The following CSTF3 variants were observed in gnomAD, a reference collection of about 807,000 sequenced individuals.
CSTF3 encodes cleavage stimulation factor subunit 3, also known as CF-1 77 kDa subunit.
In CSTF3, 29 loss-of-function variants were observed where a neutral mutation model predicts 105.8. That is an observed-to-expected ratio of 0.27 (90% CI 0.20 to 0.37). The LOEUF is 0.37. Ranked by LOEUF, CSTF3 falls within the 10% of genes least tolerant of loss-of-function variation. The probability of loss-of-function intolerance (pLI) is 1.00; values close to 1 mark genes in which losing one functional copy is unlikely to be tolerated. For synonymous variants in CSTF3, 252 were observed against 281.9 expected (o/e 0.89, Z 1.06); for missense variants, 357 against 879.3 (o/e 0.41, Z 7.51).
intron 15 of CSTF3, among the ~76,000 whole-genome samples, chr11:33,092,749 C>T (rs1855182292): frequency 6.6e-6 from 1 of 152,182 alleles, no homozygotes; most frequent in Non-Finnish European, 1.5e-5. Context: ...GGATGGCAAA[C>T]TCAAACTTAG....
chr11:33,124,721 C>G (rs1855526438), intron 3 of CSTF3, among the ~76,000 whole-genome samples: 1 of 152,062 alleles, frequency 6.6e-6, no homozygotes, highest in South Asian at 2.1e-4. Context: ...TTAAGTTATA[C>G]CTACAATTGG....
chr11:33,141,584 T>C (rs746396241), intron 3 of CSTF3, 83 bp downstream of exon 3: 39 of 1,478,408 alleles, frequency 2.6e-5, no homozygotes, highest in African/African-American at 4.3e-5. Context: ...CTTGTCCTAA[T>C]TGGCTATGTT....
At chr11:33,133,718 A>G (rs11032154) in intron 3 of CSTF3, among the ~76,000 whole-genome samples, 31,064 of 152,074 alleles carry the variant, frequency 0.2, 3,876 homozygotes, top group East Asian at 0.35. Flanking sequence ...GGTGGAGCAC[A>G]CTTGTCCCAG....
chr11:33,093,308 C>T (rs978007539), intron 15 of CSTF3, among the ~76,000 whole-genome samples: 20 of 152,224 alleles, frequency 1.3e-4, no homozygotes, highest in South Asian at 4.1e-4. Flanking sequence ...TCTGTTTTAT[C>T]CCAAGCTTTG....
chr11:33,154,040 A>G (rs977744099), intron 1 of CSTF3, among the ~76,000 whole-genome samples: 5 of 152,128 alleles, frequency 3.3e-5, no homozygotes, highest in Admixed American at 1.3e-4. Flanking sequence ...CCATCCTCAA[A>G]TATCTGCCAT....
chr11:33,123,624 G>A (rs1855514764), intron 3 of CSTF3, among the ~76,000 whole-genome samples: 1 of 151,916 alleles, frequency 6.6e-6, no homozygotes, highest in Non-Finnish European at 1.5e-5. Flanking sequence ...TTCAGTAGGA[G>A]ACAAGTTAAA....
chr11:33,160,013 T>A (rs1038236136), intron 1 of CSTF3, among the ~76,000 whole-genome samples: 7 of 152,104 alleles, frequency 4.6e-5, no homozygotes, highest in Non-Finnish European at 8.8e-5. Flanking sequence ...CGTGTCTTTG[T>A]AATTTTAGAT....
intron 3 of CSTF3, chr11:33,134,612 A>AT (rs2133794653): frequency 6.6e-6 from 1 of 152,314 alleles, no homozygotes; most frequent in African/African-American, 2.4e-5. Flanking sequence ...GTAATTCTAA[A>AT]TATCATTAGT....
At chr11:33,104,741 G>A (rs866708747) in intron 8 of CSTF3, among the ~76,000 whole-genome samples, 11 of 152,090 alleles carry the variant, frequency 7.2e-5, no homozygotes, top group Middle Eastern at 3.4e-3. Context: ...TTCCAGCCTC[G>A]GTGACAGAGT....
intron 3 of CSTF3, among the ~76,000 whole-genome samples, chr11:33,132,446 C>CA (rs1251564546): frequency 6.6e-6 from 1 of 152,094 alleles, no homozygotes; most frequent in Non-Finnish European, 1.5e-5. Context: ...AGGCTGGTCT[C>CA]AAACTCGTGG....
At chr11:33,143,579 G>C (rs1855740429) in intron 1 of CSTF3, among the ~76,000 whole-genome samples, 1 of 152,042 alleles carries the variant, frequency 6.6e-6, no homozygotes, top group Non-Finnish European at 1.5e-5. Context: ...TTGAAACCCA[G>C]TCTCTACTAA....
intron 1 of CSTF3, among the ~76,000 whole-genome samples, chr11:33,157,361 AC>A (rs1849880420): frequency 6.6e-6 from 1 of 152,222 alleles, no homozygotes; most frequent in Non-Finnish European, 1.5e-5. Flanking sequence ...TCTCAAAAAA[AC>A]AAAAAACAAA....
intron 3 of CSTF3, among the ~76,000 whole-genome samples, chr11:33,113,044 C>A (rs894012588): frequency 6.6e-6 from 1 of 151,746 alleles, no homozygotes; most frequent in Non-Finnish European, 1.5e-5. Context: ...CCCGTCTCTA[C>A]TAAAAATATA....
At chr11:33,135,959 C>A (rs999508444) in intron 3 of CSTF3, among the ~76,000 whole-genome samples, 1 of 152,094 alleles carries the variant, frequency 6.6e-6, no homozygotes, top group Admixed American at 6.6e-5. Flanking sequence ...ATCTTGTTAT[C>A]TTTGACCCTT....
chr11:33,146,146 G>A (rs1855779980), intron 1 of CSTF3, among the ~76,000 whole-genome samples: 1 of 151,860 alleles, frequency 6.6e-6, no homozygotes, highest in South Asian at 2.1e-4. Context: ...GCTGAGACAG[G>A]AGAACTGCTT....
intron 13 of CSTF3, among the ~76,000 whole-genome samples, chr11:33,097,890 T>C (rs1855241361): frequency 6.6e-6 from 1 of 152,204 alleles, no homozygotes; most frequent in South Asian, 2.1e-4. Flanking sequence ...TCTAGCTATA[T>C]TACCCAGTTT....
At chr11:33,146,618 T>C in intron 1 of CSTF3, among the ~76,000 whole-genome samples, 1 of 60,252 alleles carries the variant, frequency 1.7e-5, no homozygotes, top group Admixed American at 1.8e-4. Flanking sequence ...GAATTTGTAG[T>C]CACTTAAAAA....
intron 1 of CSTF3, among the ~76,000 whole-genome samples, chr11:33,151,480 C>A (rs1176004918): frequency 6.6e-6 from 1 of 152,192 alleles, no homozygotes; most frequent in Non-Finnish European, 1.5e-5. Flanking sequence ...GCCACCATGA[C>A]TGGCGTTGTT....
intron 3 of CSTF3, among the ~76,000 whole-genome samples, chr11:33,119,748 T>C (rs1396884914): frequency 6.6e-6 from 1 of 151,846 alleles, no homozygotes; most frequent in Admixed American, 6.6e-5. Flanking sequence ...TTTGATACCC[T>C]ATCACTTTTT....
Sources: gnomAD v4.1 joint callset for allele counts (sites outside exome capture counted in the v4.1 genomes callset) on GRCh38, gnomAD v4.1.1 for gene constraint, MANE v1.5 for transcripts, NCBI Gene and HGNC (gene_info 2026-07-23, HGNC 2026-07-21) for gene names.